Variants in ATP10B observed in about 807,000 individuals in gnomAD.
ATP10B encodes the protein ATPase phospholipid transporting 10B (putative).
In ATP10B, 122 loss-of-function variants were observed where a neutral mutation model predicts 141.2. The observed-to-expected ratio is 0.86, with a 90% CI of 0.75 to 1.00. The LOEUF (loss-of-function observed/expected upper bound fraction) is 1.00, where lower values mean the gene tolerates loss of function less well. ATP10B is among the 50% of genes least tolerant of loss of function. The pLI is 0.00. For synonymous variants in ATP10B, 685 were observed against 692.0 expected, an observed-to-expected ratio of 0.99 and a Z score of 0.16; for missense variants, 1,876 against 1,825.3, an observed-to-expected ratio of 1.03 and a Z score of -0.51.
chr5:160,769,942 A>G (rs1377845408), intron 2 of ATP10B, among the ~76,000 whole-genome samples: 1 of 152,212 alleles, frequency 6.6e-6, no homozygotes, highest in Non-Finnish European at 1.5e-5. Flanking sequence ...CCTGGATTCT[A>G]AAGGCTTAAG....
intron 2 of ATP10B, among the ~76,000 whole-genome samples, chr5:160,738,272 A>G (rs1014164982): frequency 6.6e-6 from 1 of 152,144 alleles, no homozygotes; most frequent in Non-Finnish European, 1.5e-5. Flanking sequence ...ATTCAGCTAA[A>G]TGAGTGTTTG....
chr5:160,609,355 G>A (rs1757580948), intron 18 of ATP10B, among the ~76,000 whole-genome samples: 1 of 150,420 alleles, frequency 6.6e-6, no homozygotes. Flanking sequence ...AGATTTCTGT[G>A]TGGGGGAATA....
chr5:160,834,721 G>A (rs1775312566), intron 1 of ATP10B, among the ~76,000 whole-genome samples: 1 of 152,092 alleles, frequency 6.6e-6, no homozygotes, highest in Admixed American at 6.6e-5. Context: ...ATTCTCATCA[G>A]GCTGAGAAAT....
intron 2 of ATP10B, among the ~76,000 whole-genome samples, chr5:160,783,944 C>G (rs886171477): frequency 1.3e-5 from 2 of 152,020 alleles, no homozygotes; most frequent in Non-Finnish European, 2.9e-5. Flanking sequence ...AAGGACTTGC[C>G]TCTATGCATA....
chr5:160,928,522 G>A, the ATP10B span, among the ~76,000 whole-genome samples: 1 of 152,064 alleles, frequency 6.6e-6, no homozygotes, highest in Middle Eastern at 3.4e-3. Flanking sequence ...ATGGGTTCTG[G>A]GATCAGTAAA....
Position 160,668,342 on chromosome 5 carries a change from T to C in ATP10B, c.675+2121A>G, listed in dbSNP as rs111420077. 5.6e-4 allele frequency among the ~76,000 whole-genome samples: 61 copies of C among 109,370 alleles called. 1 individual carries two copies. The highest frequency in any genetic ancestry group is 2.0e-3 in the African/African-American group (60 of 30,408). 71.8% of individuals were successfully genotyped at this position (109,370 alleles called of 152,430 possible). Reference sequence around the variant, plus strand: ...ATTCACACGCATATACACACGTGTATGTGTGTCAGCATGTGTGAGTGTGTG... The same window carrying C: ...ATTCACACGCATATACACACGTGTACGTGTGTCAGCATGTGTGAGTGTGTG... On this transcript the variant is annotated intron_variant, in intron 7 of 25. Coordinates refer to ENST00000327245, the MANE Select transcript of ATP10B (RefSeq NM_025153.3).
the ATP10B span, among the ~76,000 whole-genome samples, chr5:160,864,834 A>G: frequency 1.3e-5 from 2 of 151,958 alleles, no homozygotes; most frequent in South Asian, 4.1e-4. Context: ...GCAAAAAAAT[A>G]AAATAAAATA....
At chr5:160,891,383 G>T in the ATP10B span, among the ~76,000 whole-genome samples, 1 of 152,144 alleles carries the variant, frequency 6.6e-6, no homozygotes. Flanking sequence ...CATTCTCTCT[G>T]ACCTTCTCCT....
chr5:160,608,444 C>T (rs1013047690), intron 18 of ATP10B, among the ~76,000 whole-genome samples: 1 of 152,106 alleles, frequency 6.6e-6, no homozygotes, highest in Non-Finnish European at 1.5e-5. Context: ...GGTATATACC[C>T]AGTAATGGGA....
intron 10 of ATP10B, 77 bp from the exon 11 acceptor site, chr5:160,636,386 C>T: frequency 2.0e-6 from 3 of 1,484,358 alleles, no homozygotes; most frequent in Non-Finnish European, 2.7e-6. Flanking sequence ...CAGCCCTTGA[C>T]ACATTCCTAG....
At chr5:160,901,804 G>A in the ATP10B span, among the ~76,000 whole-genome samples, 2 of 152,114 alleles carry the variant, frequency 1.3e-5, no homozygotes, top group African/African-American at 4.8e-5. Context: ...TATACAGTAG[G>A]ACACCAATAA....
rs1278358301 is a variant in ATP10B at position 160,565,643 on chromosome 5, T to G, written c.4196A>C (p.His1399Pro). 6 of 1,614,086 alleles carry G rather than the reference T, an allele frequency of 3.7e-6. No individual in the cohort carries two copies. The highest frequency in any genetic ancestry group is 2.2e-5 in the East Asian group (1 of 44,860). The change falls in exon 26 of 26, where the codon CAC becomes CCC. Residue 1399 changes from histidine (H) to proline (P), a missense_variant. By Grantham distance (77) the His-to-Pro change is moderately conservative. Coordinates refer to ENST00000327245, the MANE Select transcript of ATP10B (RefSeq NM_025153.3). ...KRKHVEESVL[H>P]EQRCGTECMR... is the part of the protein sequence containing the mutation. Reference sequence around the variant, plus strand: ...GCACTCCGTGCCACATCTCTGTTCGTGGAGTACTGACTCTTCCACATGCTT... The same window carrying G: ...GCACTCCGTGCCACATCTCTGTTCGGGGAGTACTGACTCTTCCACATGCTT...
chr5:160,850,610 C>T (rs1753740638), intron 1 of ATP10B, among the ~76,000 whole-genome samples: 1 of 152,138 alleles, frequency 6.6e-6, no homozygotes, highest in African/African-American at 2.4e-5. Flanking sequence ...TGAAAGGCAG[C>T]CTCCTTCACT....
intron 7 of ATP10B, among the ~76,000 whole-genome samples, chr5:160,667,086 C>A (rs906807947): frequency 2.0e-5 from 3 of 152,068 alleles, no homozygotes; most frequent in African/African-American, 7.2e-5. Flanking sequence ...GGCGTGGTGG[C>A]CGGCACCTGT....
At chr5:160,790,650 G>C (rs1410047126) in intron 1 of ATP10B, among the ~76,000 whole-genome samples, 1 of 152,078 alleles carries the variant, frequency 6.6e-6, no homozygotes, top group African/African-American at 2.4e-5. Flanking sequence ...TAAATGAGGA[G>C]GACAGTTGAA....
intron 6 of ATP10B, among the ~76,000 whole-genome samples, chr5:160,675,948 G>A (rs1722729202): frequency 6.6e-6 from 1 of 152,136 alleles, no homozygotes; most frequent in African/African-American, 2.4e-5. Context: ...ACCAATCTGA[G>A]GATGCCTAGA....
intron 2 of ATP10B, among the ~76,000 whole-genome samples, chr5:160,750,010 G>C (rs1270216017): frequency 6.6e-6 from 1 of 152,140 alleles, no homozygotes; most frequent in Admixed American, 6.5e-5. Flanking sequence ...TTCTTTTACG[G>C]GTATGGCTCA....
chr5:160,841,785 C>T (rs1036935431), intron 1 of ATP10B, among the ~76,000 whole-genome samples: 2 of 152,098 alleles, frequency 1.3e-5, no homozygotes, highest in African/African-American at 4.8e-5. Flanking sequence ...AGTGCAGTGG[C>T]AAGCTCTCAG....
intron 2 of ATP10B, among the ~76,000 whole-genome samples, chr5:160,766,146 G>A (rs1252046987): frequency 2.0e-5 from 2 of 97,782 alleles, no homozygotes; most frequent in African/African-American, 8.8e-5. Context: ...ACAGTATGGA[G>A]ATTCCTTAAA....
Sources: gnomAD v4.1 joint callset for allele counts (sites outside exome capture counted in the v4.1 genomes callset) on GRCh38, gnomAD v4.1.1 for gene constraint, MANE v1.5 for transcripts, NCBI Gene and HGNC (gene_info 2026-07-23, HGNC 2026-07-21) for gene names.